Variants in TNFRSF19 observed in about 807,000 individuals in gnomAD.
TNFRSF19 encodes TNF receptor superfamily member 19.
Under a neutral mutation model 46.4 loss-of-function variants are expected in TNFRSF19, and 27 were observed. The ratio of observed to expected loss-of-function variants is 0.58; its 90% confidence interval spans 0.43 to 0.80. The LOEUF (loss-of-function observed/expected upper bound fraction) is 0.80, where lower values mean the gene tolerates loss of function less well. Ranked by LOEUF, TNFRSF19 falls within the 30% of genes least tolerant of loss-of-function variation. The pLI is 0.00. For synonymous variants in TNFRSF19, 204 were observed against 205.0 expected, an observed-to-expected ratio of 1.00 and a Z score of 0.04; for missense variants, 511 against 530.8, an observed-to-expected ratio of 0.96 and a Z score of 0.37.
chr13:23,658,139 TC>T (rs1884104314), intron 5 of TNFRSF19, among the ~76,000 whole-genome samples: 1 of 152,170 alleles, frequency 6.6e-6, no homozygotes, highest in African/African-American at 2.4e-5. Flanking sequence ...TAGATATAGA[TC>T]TCTGATTTAA....
At chr13:23,587,875 C>T (rs1241704079) in intron 1 of TNFRSF19, among the ~76,000 whole-genome samples, 1 of 152,178 alleles carries the variant, frequency 6.6e-6, no homozygotes, top group African/African-American at 2.4e-5. Context: ...TTGGTTCAAA[C>T]TCTTAGTGGA....
At chr13:23,597,562 C>A (rs1275818040) in intron 3 of TNFRSF19, among the ~76,000 whole-genome samples, 1 of 152,162 alleles carries the variant, frequency 6.6e-6, no homozygotes, top group East Asian at 1.9e-4. Flanking sequence ...AGTTAAATCC[C>A]TGAATAGACC....
At chr13:23,652,574 T>C (rs140958921) in intron 5 of TNFRSF19, among the ~76,000 whole-genome samples, 9 of 152,352 alleles carry the variant, frequency 5.9e-5, no homozygotes, top group African/African-American at 1.9e-4. Context: ...GGATTCTCTA[T>C]TGATATATAT....
chr13:23,616,581 T>TTTA (rs10693930), intron 4 of TNFRSF19, among the ~76,000 whole-genome samples: 1 of 110,582 alleles, frequency 9.0e-6, no homozygotes, highest in East Asian at 3.2e-4. Context: ...TGTTTGTTTG[T>TTTA]TTTGTTTTGT....
intron 5 of TNFRSF19, among the ~76,000 whole-genome samples, chr13:23,657,515 A>C (rs569921321): frequency 5.9e-5 from 9 of 152,332 alleles, no homozygotes; most frequent in African/African-American, 2.2e-4. Context: ...GGCTAGTCTG[A>C]ATTCAGATGA....
chr13:23,626,325 T>G (rs139235207), intron 4 of TNFRSF19, among the ~76,000 whole-genome samples: 2,292 of 152,194 alleles, frequency 0.015, 53 homozygotes, highest in Admixed American at 0.059. Flanking sequence ...ATTTTTCCGT[T>G]GCTTTTATGG....
At chr13:23,586,257 C>CAAAAAAAA (rs34228080) in intron 1 of TNFRSF19, among the ~76,000 whole-genome samples, 7 of 91,918 alleles carry the variant, frequency 7.6e-5, no homozygotes, top group African/African-American at 1.8e-4. Context: ...GACTCCGTCT[C>CAAAAAAAA]AAAAAAAAAA....
At chr13:23,625,326 C>CTT (rs67965421) in intron 4 of TNFRSF19, among the ~76,000 whole-genome samples, 6,781 of 107,274 alleles carry the variant, frequency 0.063, 530 homozygotes, top group African/African-American at 0.074. Flanking sequence ...TGATTGTATT[C>CTT]TTTTTTTTTT....
At chr13:23,607,813 T>G (rs950955920) in intron 3 of TNFRSF19, among the ~76,000 whole-genome samples, 21 of 152,204 alleles carry the variant, frequency 1.4e-4, no homozygotes, top group Non-Finnish European at 2.2e-4. Context: ...GGTCATGAGG[T>G]TCTTTCAATT....
intron 1 of TNFRSF19, among the ~76,000 whole-genome samples, chr13:23,575,794 G>A (rs148280407): frequency 2.6e-5 from 4 of 152,204 alleles, no homozygotes; most frequent in Non-Finnish European, 5.9e-5. Context: ...TAGAAGTTAG[G>A]CAATTTTTCA....
chr13:23,572,557 C>T (rs1877700463), intron 1 of TNFRSF19, among the ~76,000 whole-genome samples: 1 of 152,120 alleles, frequency 6.6e-6, no homozygotes, highest in South Asian at 2.1e-4. Context: ...TACAGGCTCT[C>T]CTCAGCACAA....
At chr13:23,581,652 GCT>G (rs1878443252) in intron 1 of TNFRSF19, among the ~76,000 whole-genome samples, 1 of 152,054 alleles carries the variant, frequency 6.6e-6, no homozygotes, top group African/African-American at 2.4e-5. Flanking sequence ...CCTAGTTACA[GCT>G]CTGTTACATG....
In TNFRSF19 at chr13:23,668,888, T is replaced by C. The variant is rs1373723635; in HGVS notation, c.1036T>C (p.Ser346Pro). The C allele has an allele frequency of 6.2e-7, 1 of 1,614,248 alleles. No homozygotes were observed. Among genetic ancestry groups the C allele is most frequent in the African/African-American group, 1.3e-5 (1 of 75,072 alleles). The change falls in exon 9 of 10, where the codon TCT becomes CCT. Residue 346 changes from serine to proline, a missense_variant. Coordinates refer to ENST00000248484, the MANE Select transcript of TNFRSF19 (RefSeq NM_148957.4). ...SLNPELESST[S>P]LDSNSSQDLV... The stretch of plus-strand genomic sequence containing the variant: ...CAATCCAGAACTTGAAAGCTCAACG[T>C]CTTTGGATTCAAATAGCAGTCAAGA...
chr13:23,633,049 C>A (rs192389131), intron 5 of TNFRSF19, among the ~76,000 whole-genome samples: 7 of 150,718 alleles, frequency 4.6e-5, no homozygotes, highest in Admixed American at 2.6e-4. Flanking sequence ...AATTACAGTT[C>A]TTATTATTAT....
At chr13:23,614,692 C>A (rs1881139073) in intron 3 of TNFRSF19, among the ~76,000 whole-genome samples, 1 of 149,666 alleles carries the variant, frequency 6.7e-6, no homozygotes, top group Non-Finnish European at 1.5e-5. Context: ...AGACCGACAA[C>A]AGGTGTTACC....
chr13:23,628,767 GTA>G (rs140729064), intron 5 of TNFRSF19, among the ~76,000 whole-genome samples: 2 of 150,550 alleles, frequency 1.3e-5, no homozygotes, highest in African/African-American at 2.4e-5. Context: ...AAATTAACCA[GTA>G]TATATATATA....
intron 5 of TNFRSF19, among the ~76,000 whole-genome samples, chr13:23,651,563 A>T (rs1883632316): frequency 6.6e-6 from 1 of 152,202 alleles, no homozygotes; most frequent in South Asian, 2.1e-4. Context: ...TTCATTTACA[A>T]CTTGATCTTC....
At chr13:23,638,953 T>C (rs566319163) in intron 5 of TNFRSF19, among the ~76,000 whole-genome samples, 11 of 152,362 alleles carry the variant, frequency 7.2e-5, no homozygotes, top group African/African-American at 2.6e-4. Flanking sequence ...AAACTCTTCA[T>C]GTCTTTATCT....
At chr13:23,663,513 G>A (rs187870894) in intron 7 of TNFRSF19, among the ~76,000 whole-genome samples, 1 of 152,258 alleles carries the variant, frequency 6.6e-6, no homozygotes, top group Non-Finnish European at 1.5e-5. Flanking sequence ...TTGGGTGTCA[G>A]GATGATGCTG....
Sources: allele counts gnomAD v4.1 joint callset (sites outside exome capture counted in the v4.1 genomes callset), GRCh38; gene constraint gnomAD v4.1.1; transcripts MANE v1.5; gene names NCBI Gene and HGNC (gene_info 2026-07-23, HGNC 2026-07-21).